Variants in ADGRB3 observed in about 807,000 individuals in gnomAD.
ADGRB3 encodes the protein adhesion G protein-coupled receptor B3.
A neutral mutation model predicts 193.4 loss-of-function variants in ADGRB3; 37 were observed. The observed-to-expected ratio is 0.19, with a 90% CI of 0.15 to 0.25. The LOEUF is 0.25. Among genes scored for constraint, ADGRB3 ranks in the 10% least tolerant of loss-of-function variants. The pLI, the probability that ADGRB3 is intolerant of heterozygous loss-of-function variation, is 1.00. For missense variants in ADGRB3, 1,637 were observed against 1,852.9 expected (o/e 0.88, Z 2.14); for synonymous variants, 690 against 644.2 (o/e 1.07, Z -1.08).
chr6:68,838,450 C>A (rs1768087118), intron 3 of ADGRB3, among the ~76,000 whole-genome samples: 1 of 152,154 alleles, frequency 6.6e-6, no homozygotes, highest in Non-Finnish European at 1.5e-5. Flanking sequence ...ACTTCTATTC[C>A]TGAATTTAGC....
chr6:69,382,706 T>C, intron 30 of ADGRB3, 125 bp from the exon 31 acceptor site: 1 of 566,472 alleles, frequency 1.8e-6, no homozygotes. Context: ...TTGTGCATCT[T>C]ATAGGACCTC....
intron 3 of ADGRB3, among the ~76,000 whole-genome samples, chr6:68,695,998 G>A (rs995580546): frequency 3.3e-5 from 5 of 151,916 alleles, no homozygotes; most frequent in East Asian, 1.9e-4. Flanking sequence ...ATTTGGCTGC[G>A]ACCCAAAGGG....
chr6:69,306,672 G>A (rs527772499), intron 20 of ADGRB3, among the ~76,000 whole-genome samples: 3 of 151,604 alleles, frequency 2.0e-5, no homozygotes, highest in Middle Eastern at 6.8e-3. Context: ...CTAATTCTGA[G>A]ATTACAATGA....
rs576204969 is a variant in ADGRB3 at position 68,782,548 on chromosome 6, A to G, written c.757+143116A>G. On this transcript the variant is annotated intron_variant, in intron 3 of 31. Coordinates refer to ENST00000370598, the MANE Select transcript of ADGRB3 (RefSeq NM_001704.3). ...TTCTAGATCCCTGAGGAATCGCCAC[A>G]CTGACTTCCACAATGGTTGAACTAG... 9.9e-5 allele frequency among the ~76,000 whole-genome samples: 15 copies of G among 152,238 alleles called. 1 individual carries two copies. In the South Asian group the frequency reaches 2.9e-3, roughly 30 times the overall value.
At chr6:68,983,624 A>T (rs1451176211) in intron 10 of ADGRB3, among the ~76,000 whole-genome samples, 1 of 151,912 alleles carries the variant, frequency 6.6e-6, no homozygotes, top group South Asian at 2.1e-4. Context: ...TTAATTCATT[A>T]TACAAATAAT....
chr6:69,004,205 C>T (rs1582386575), intron 11 of ADGRB3, among the ~76,000 whole-genome samples: 1 of 152,298 alleles, frequency 6.6e-6, no homozygotes, highest in East Asian at 1.9e-4. Context: ...AACTGAGTGA[C>T]TTAAACAACA....
intron 3 of ADGRB3, among the ~76,000 whole-genome samples, chr6:68,756,274 C>G (rs1476398531): frequency 6.6e-6 from 1 of 152,184 alleles, no homozygotes; most frequent in Non-Finnish European, 1.5e-5. Context: ...AAGAGAGTAA[C>G]TTTATAATTG....
At chr6:68,688,574 G>C (rs770481857) in intron 3 of ADGRB3, among the ~76,000 whole-genome samples, 38 of 152,114 alleles carry the variant, frequency 2.5e-4, no homozygotes, top group Non-Finnish European at 4.3e-4. Flanking sequence ...CAGTAGGAGG[G>C]GAGAATGTAA....
intron 19 of ADGRB3, among the ~76,000 whole-genome samples, chr6:69,238,744 A>G (rs1461488392): frequency 6.6e-6 from 1 of 151,958 alleles, no homozygotes; most frequent in Non-Finnish European, 1.5e-5. Flanking sequence ...CTAAACATAC[A>G]TACACACATA....
At position 68,723,863 on chromosome 6, in the gene ADGRB3, T is replaced by G. The variant is rs554334991; in HGVS notation, c.757+84431T>G. ...GCCCCCAGCGGACATTTGTCAATGC[T>G]TGATAACATATTTGAGTGTCAGTAT... On this transcript the variant is annotated intron_variant, in intron 3 of 31. Transcript: ENST00000370598. Among the ~76,000 whole-genome samples the G allele has an allele frequency of 3.2e-4, 48 of 151,778 alleles. 1 individual carries two copies. In the South Asian group the frequency reaches 8.5e-3, roughly 27 times the overall value.
intron 3 of ADGRB3, among the ~76,000 whole-genome samples, chr6:68,860,449 A>G (rs1457929397): frequency 1.3e-5 from 2 of 152,138 alleles, no homozygotes; most frequent in Admixed American, 6.5e-5. Flanking sequence ...ATGTGTTCTC[A>G]TTCTTTTGCT....
At chr6:69,183,881 A>G (rs2150352433) in intron 17 of ADGRB3, among the ~76,000 whole-genome samples, 1 of 152,224 alleles carries the variant, frequency 6.6e-6, no homozygotes, top group Non-Finnish European at 1.5e-5. Flanking sequence ...GGACATGGAC[A>G]ATGCAAATAA....
intron 3 of ADGRB3, among the ~76,000 whole-genome samples, chr6:68,784,898 G>A (rs557375521): frequency 1.4e-4 from 21 of 152,122 alleles, no homozygotes; most frequent in African/African-American, 4.8e-4. Context: ...CCTTCATAGA[G>A]TTTAGTAGTG....
intron 17 of ADGRB3, among the ~76,000 whole-genome samples, chr6:69,169,452 G>A (rs1775216596): frequency 6.6e-6 from 1 of 150,832 alleles, no homozygotes; most frequent in African/African-American, 2.4e-5. Context: ...TAACTAATGT[G>A]TTAATGATAT....
chr6:68,869,900 T>C (rs367742896), intron 3 of ADGRB3, among the ~76,000 whole-genome samples: 9 of 152,298 alleles, frequency 5.9e-5, no homozygotes, highest in African/African-American at 1.7e-4. Context: ...TGCCTCAGCC[T>C]CTCCAGTAGC....
At chr6:69,104,260 C>T (rs1264057258) in intron 17 of ADGRB3, among the ~76,000 whole-genome samples, 2 of 142,042 alleles carry the variant, frequency 1.4e-5, no homozygotes, top group Non-Finnish European at 3.0e-5. Context: ...TTGTTCAATT[C>T]CCACCTATGA....
At chr6:69,142,002 A>G (rs1190833085) in intron 17 of ADGRB3, among the ~76,000 whole-genome samples, 2 of 152,240 alleles carry the variant, frequency 1.3e-5, no homozygotes, top group Non-Finnish European at 2.9e-5. Context: ...TAAGAAGACC[A>G]GAAATTAATA....
At chr6:69,257,798 C>A (rs546364448) in intron 20 of ADGRB3, among the ~76,000 whole-genome samples, 5 of 152,286 alleles carry the variant, frequency 3.3e-5, no homozygotes, top group Admixed American at 6.5e-5. Context: ...CCCCTGGATA[C>A]CCACTTGTAA....
chr6:68,905,747 G>A (rs899711726), intron 3 of ADGRB3, among the ~76,000 whole-genome samples: 2 of 152,044 alleles, frequency 1.3e-5, no homozygotes, highest in Non-Finnish European at 2.9e-5. Context: ...AATTAGTTTT[G>A]CAAATTAGGT....
Sources: allele counts gnomAD v4.1 joint callset (sites outside exome capture counted in the v4.1 genomes callset), GRCh38; gene constraint gnomAD v4.1.1; transcripts MANE v1.5; gene names NCBI Gene and HGNC (gene_info 2026-07-23, HGNC 2026-07-21).